The following RBM12 variants were observed in gnomAD, a reference collection of about 807,000 sequenced individuals.
RBM12 encodes RNA binding motif protein 12.
In RBM12, 24 loss-of-function variants were observed where a neutral mutation model predicts 37.2. That is an observed-to-expected ratio of 0.65 (90% CI 0.47 to 0.91). The LOEUF is 0.91. Ranked by LOEUF, RBM12 falls within the 40% of genes least tolerant of loss-of-function variation. RBM12 has a pLI of 0.00. For missense variants in RBM12, 1,061 were observed against 1,183.2 expected (o/e 0.90, Z 1.52); for synonymous variants, 420 against 425.2 (o/e 0.99, Z 0.15).
Position 35,653,870 on chromosome 20 carries a change from T to C in RBM12, c.1453A>G (p.Lys485Glu). 2.5e-6 allele frequency: 4 copies of C among 1,614,108 alleles called. No individual in the cohort carries two copies. Among genetic ancestry groups the C allele is most frequent in the Non-Finnish European group, 3.4e-6 (4 of 1,180,038 alleles). ...TGTTTATGACGACACAGAGCAGCCT[T>C]ATAGTCAGCCTCATTTCTGAACTCT... ...FVEFRNEADY[K>E]AALCRHKQYM... The change falls in exon 3 of 3, where the codon AAG (lysine) becomes GAG (glutamate). Residue 485 changes from lysine to glutamate, a missense_variant. Lys to Glu is a moderately conservative substitution (Grantham distance 56, BLOSUM62 1). Coordinates refer to ENST00000374114, the MANE Select transcript of RBM12 (RefSeq NM_006047.6).
chr20:35,653,681 T>C lies in RBM12; in HGVS notation c.1642A>G (p.Ile548Val). ...DVNSAKVCAH[I>V]TNIPFSITKM... ...GTAATGCTGAATGGAATATTTGTTATGTGGGCACAGACTTTGGCAGAGTTG... is the reference window on the plus strand; with the variant it reads ...GTAATGCTGAATGGAATATTTGTTACGTGGGCACAGACTTTGGCAGAGTTG... The change falls in exon 3 of 3, where the codon ATA (isoleucine) becomes GTA (valine). Residue 548 changes from isoleucine (I) to valine (V), a missense_variant. By Grantham distance (29) the Ile-to-Val change is conservative (BLOSUM62 3). Transcript: ENST00000374114. 5 of 1,614,226 alleles carry C rather than the reference T, an allele frequency of 3.1e-6. No homozygotes were observed. The highest frequency in any genetic ancestry group is 2.5e-6 in the Non-Finnish European group (3 of 1,180,038).
intron 1 of RBM12, 118 bp from the exon 2 acceptor site, chr20:35,659,132 G>T: frequency 5.9e-6 from 2 of 336,546 alleles, no homozygotes; most frequent in Non-Finnish European, 1.0e-5. Flanking sequence ...TCATTAGAAT[G>T]CATATCAAAA....
intron 1 of RBM12, among the ~76,000 whole-genome samples, chr20:35,662,049 T>C (rs1320088189): frequency 6.6e-6 from 1 of 152,190 alleles, no homozygotes; most frequent in African/African-American, 2.4e-5. Flanking sequence ...CATTCCCAAA[T>C]GGACCATATA....
At position 35,650,943 on chromosome 20, in the gene RBM12, CATGTAA is replaced by C. The variant is rs1208911838; in HGVS notation, c.*1575_*1580del. 6.6e-6 allele frequency: 1 copy of C among 152,554 alleles called. No individual in the cohort carries two copies. Among genetic ancestry groups the C allele is most frequent in the African/African-American group, 2.4e-5 (1 of 41,426 alleles). 9.5% of individuals were successfully genotyped at this position (152,554 alleles called of 1,614,324 possible). A position where few individuals can be genotyped will look rare whatever the true frequency, so the allele number is the denominator to read the frequency against. Reference sequence around the variant, plus strand: ...ATGTTTCAAACGAAGACAAAGGGGCCATGTAAAAGATAAAATTTGGTTTTCATGATC... The same window carrying C: ...ATGTTTCAAACGAAGACAAAGGGGCCAAGATAAAATTTGGTTTTCATGATC... On this transcript the variant is annotated 3_prime_UTR_variant, in exon 3 of 3. Coordinates refer to ENST00000374114, the MANE Select transcript of RBM12 (RefSeq NM_006047.6).
At position 35,650,817 on chromosome 20, in the gene RBM12, A is replaced by C. The variant is rs538119912; in HGVS notation, c.*1707T>G. 4 of 152,748 alleles carry C rather than the reference A, an allele frequency of 2.6e-5. No homozygotes were observed. Among genetic ancestry groups the C allele is most frequent in the Admixed American group, 6.5e-5 (1 of 15,308 alleles). 9.5% of individuals were successfully genotyped at this position (152,748 alleles called of 1,614,324 possible). A position where few individuals can be genotyped will look rare whatever the true frequency, so the allele number is the denominator to read the frequency against. On this transcript the variant is annotated 3_prime_UTR_variant, in exon 3 of 3. Transcript: ENST00000374114. ...TATTTCAGTGTTCCACTGACTCACA[A>C]CACCAAAAAGGCACTGTATATATAT...
In RBM12 at chr20:35,655,151, T is replaced by C. The variant is rs1460727121; in HGVS notation, c.172A>G (p.Met58Val). 4 of 1,614,072 alleles carry C rather than the reference T, an allele frequency of 2.5e-6. No homozygotes were observed. The highest frequency in any genetic ancestry group is 2.7e-5 in the African/African-American group (2 of 74,922). Residue 58 changes from methionine (M) to valine (V), a missense_variant, in exon 3 of 3, where the codon ATG becomes GTG. Transcript: ENST00000374114. Reference protein sequence around the residue: ...ATDEDARLGMMRTGGTIKGSK... With the variant: ...ATDEDARLGMVRTGGTIKGSK... ...CCTTTAATTGTACCACCTGTGCGCA[T>C]CATACCAAGCCTTGCATCTTCATCA...
At chr20:35,658,100 G>A (rs901465427) in intron 2 of RBM12, among the ~76,000 whole-genome samples, 8 of 151,946 alleles carry the variant, frequency 5.3e-5, no homozygotes, top group African/African-American at 2.4e-5. Flanking sequence ...ATTTAAAAAA[G>A]TATCTGCTTT....
rs966383802 is a variant in RBM12 at position 35,650,770 on chromosome 20, C to G, written c.*1754G>C. 2 of 152,574 alleles carry G rather than the reference C, an allele frequency of 1.3e-5. No individual in the cohort carries two copies. Among genetic ancestry groups the G allele is most frequent in the Admixed American group, 6.5e-5 (1 of 15,288 alleles). The allele number at this position is 152,574 out of a possible 1,614,324, so 9.5% of individuals were successfully genotyped here. On this transcript the variant is annotated 3_prime_UTR_variant, in exon 3 of 3. Transcript: ENST00000374114. ...ATCTTATCAAATGAAACTGTTGCCACTCTTAAATTACACAACCGCTGTATT... is the reference window on the plus strand; with the variant it reads ...ATCTTATCAAATGAAACTGTTGCCAGTCTTAAATTACACAACCGCTGTATT...
chr20:35,655,363 A>G lies in RBM12; in HGVS notation c.-22-19T>C. ...CACACACCTGCAGATGAGAAAAGGC[A>G]ACGGCCAGGTCAGACTCCTGTTTAT... On this transcript the variant is annotated intron_variant, in intron 2 of 2. Transcript: ENST00000374114. 1 of 1,564,788 alleles carries G rather than the reference A, an allele frequency of 6.4e-7. No individual in the cohort carries two copies. The highest frequency in any genetic ancestry group is 8.6e-7 in the Non-Finnish European group (1 of 1,159,462).
At position 35,654,109 on chromosome 20, in the gene RBM12, G is replaced by A. The variant is rs1376691149; in HGVS notation, c.1214C>T (p.Pro405Leu). 1 of 1,614,208 alleles carries A rather than the reference G, an allele frequency of 6.2e-7. No homozygotes were observed. The highest frequency in any genetic ancestry group is 8.5e-7 in the Non-Finnish European group (1 of 1,180,036). The change falls in exon 3 of 3, where the codon CCT becomes CTT. Residue 405 changes from proline to leucine, a missense_variant. By Grantham distance (98) the Pro-to-Leu change is moderately conservative (BLOSUM62 -3). This residue lies in a region of RBM12 where 540 missense variants were observed against 632.7 expected (regional missense o/e 0.85). Coordinates refer to ENST00000374114, the MANE Select transcript of RBM12 (RefSeq NM_006047.6). ...MGPSGQTHPP[P>L]QTLPRSKSPS... ...CGATTTTGACCTGGGAAGTGTCTGA[G>A]GAGGGGGATGAGTTTGTCCAGAAGG...
Position 35,653,574 on chromosome 20 carries a change from T to G in RBM12, c.1749A>C (p.Gln583His). ...AVHVLVDNNG[Q>H]GLGQALVQFK... ...ACTGAACCAATGCCTGTCCTAGACC[T>G]TGCCCATTGTTATCAACAAGAACAT... The change falls in exon 3 of 3, where the codon CAA (glutamine) becomes CAC (histidine). Residue 583 changes from glutamine (Q) to histidine (H), a missense_variant. This residue lies in a region of RBM12 where 517 missense variants were observed against 534.0 expected (regional missense o/e 0.97). Coordinates refer to ENST00000374114, the MANE Select transcript of RBM12 (RefSeq NM_006047.6). 1 of 1,614,246 alleles carries G rather than the reference T, an allele frequency of 6.2e-7. No individual in the cohort carries two copies. The highest frequency in any genetic ancestry group is 8.5e-7 in the Non-Finnish European group (1 of 1,180,038).
chr20:35,661,547 T>C (rs1287052621), intron 1 of RBM12, among the ~76,000 whole-genome samples: 1 of 152,256 alleles, frequency 6.6e-6, no homozygotes, highest in African/African-American at 2.4e-5. Flanking sequence ...AGAAGCTGGC[T>C]TTAGTATGTT....
chr20:35,662,421 A>G (rs1478679755), intron 1 of RBM12, among the ~76,000 whole-genome samples: 1 of 152,222 alleles, frequency 6.6e-6, no homozygotes, highest in African/African-American at 2.4e-5. Flanking sequence ...ATAAAACTGT[A>G]GTTTAGATAA....
Position 35,654,345 on chromosome 20 carries a change from C to T in RBM12, c.978G>A (p.Gly326=), listed in dbSNP as rs1190742143. The change falls in exon 3 of 3, where the codon GGG becomes GGA. Residue 326 remains glycine, a synonymous_variant. Transcript: ENST00000374114. The stretch of plus-strand genomic sequence containing the variant: ...ACAAATGCACTGCATCAACACGGAG[C>T]CCATGAAAAAAATCTCTGACATCAT... The part of the protein sequence containing the change: ...MENDVRDFFH[G]LRVDAVHLLK... The T allele has an allele frequency of 6.2e-7, 1 of 1,614,094 alleles. No individual in the cohort carries two copies. Among genetic ancestry groups the T allele is most frequent in the Admixed American group, 1.7e-5 (1 of 60,026 alleles).
In RBM12 at chr20:35,649,220, G is replaced by T. The variant is rs2033331956; in HGVS notation, c.*3304C>A. ...TTCTTTCCAAAAGATTTGACTAGCA[G>T]CAATTTTACATTTTCTTTACTCATT... On this transcript the variant is annotated 3_prime_UTR_variant, in exon 3 of 3. Transcript: ENST00000374114. 6.6e-6 allele frequency: 1 copy of T among 152,202 alleles called. No homozygotes were observed. The highest frequency in any genetic ancestry group is 1.5e-5 in the Non-Finnish European group (1 of 68,032). The allele number at this position is 152,202 out of a possible 1,614,324, so 9.4% of individuals were successfully genotyped here.
At position 35,649,892 on chromosome 20, in the gene RBM12, C is replaced by T. The variant is rs2033384546; in HGVS notation, c.*2632G>A. On this transcript the variant is annotated 3_prime_UTR_variant, in exon 3 of 3. Coordinates refer to ENST00000374114, the MANE Select transcript of RBM12 (RefSeq NM_006047.6). The stretch of plus-strand genomic sequence containing the variant: ...ATTGAAAATATCATGATAGTGTTTA[C>T]AAATGCACACAACTTTGAGCAAAGC... 1 of 152,244 alleles carries T rather than the reference C, an allele frequency of 6.6e-6. No homozygotes were observed. Among genetic ancestry groups the T allele is most frequent in the African/African-American group, 2.4e-5 (1 of 41,400 alleles). 9.4% of individuals were successfully genotyped at this position (152,244 alleles called of 1,614,324 possible). A position where few individuals can be genotyped will look rare whatever the true frequency, so the allele number is the denominator to read the frequency against.
At chr20:35,655,379 TCCTGTTTATCACA>T (rs750923075) in intron 2 of RBM12, 35 bp from the exon 3 acceptor site, 5 of 1,504,306 alleles carry the variant, frequency 3.3e-6, no homozygotes, top group Non-Finnish European at 3.6e-6. Flanking sequence ...CAGGTCAGAC[TCCTGTTTATCACA>T]CCAAGTTTTT....
chr20:35,653,074 G>T lies in RBM12; in HGVS notation c.2249C>A (p.Ala750Asp). 6.2e-7 allele frequency: 1 copy of T among 1,613,938 alleles called. No homozygotes were observed. Among genetic ancestry groups the T allele is most frequent in the Non-Finnish European group, 8.5e-7 (1 of 1,180,032 alleles). The change falls in exon 3 of 3, where the codon GCT (alanine) becomes GAT (aspartate). Residue 750 changes from alanine (A) to aspartate (D), a missense_variant. Physicochemically the swap from Ala to Asp is moderately radical, Grantham distance 126. Coordinates refer to ENST00000374114, the MANE Select transcript of RBM12 (RefSeq NM_006047.6). ...TCCAACTGAAGGCATACCAGGCCTA[G>T]CATCACCAAAGGCCCCGCCTCCTAA... ...PGLGGGAFGD[A>D]RPGMPSVGNS...
At chr20:35,662,314 A>G (rs1290957502) in intron 1 of RBM12, among the ~76,000 whole-genome samples, 1 of 152,196 alleles carries the variant, frequency 6.6e-6, no homozygotes, top group Non-Finnish European at 1.5e-5. Context: ...AACCTAAACA[A>G]CCACATTCAC....
Sources: allele counts gnomAD v4.1 joint callset (sites outside exome capture counted in the v4.1 genomes callset), GRCh38; gene constraint gnomAD v4.1.1; regional missense constraint gnomAD v4.1.1; transcripts MANE v1.5; gene names NCBI Gene and HGNC (gene_info 2026-07-23, HGNC 2026-07-21).